TOP3A: variants seen among roughly 807,000 people sequenced by gnomAD.
TOP3A encodes the protein DNA topoisomerase III alpha.
A neutral mutation model predicts 111.3 loss-of-function variants in TOP3A; 64 were observed. The ratio of observed to expected loss-of-function variants is 0.57; its 90% CI spans 0.47 to 0.71. The LOEUF (loss-of-function observed/expected upper bound fraction) is 0.71, where lower values mean the gene tolerates loss of function less well. TOP3A is among the 30% of genes least tolerant of loss of function. The probability of loss-of-function intolerance (pLI) is 0.00; values close to 1 mark genes in which losing one functional copy is unlikely to be tolerated. For synonymous variants in TOP3A, 484 were observed against 485.1 expected, an observed-to-expected ratio of 1.00 and a Z score of 0.03; for missense variants, 1,104 against 1,285.0, an observed-to-expected ratio of 0.86 and a Z score of 2.15.
At chr17:18,310,099 C>T (rs1420211996) in intron 1 of TOP3A, among the ~76,000 whole-genome samples, 1 of 152,100 alleles carries the variant, frequency 6.6e-6, no homozygotes, top group African/African-American at 2.4e-5. Context: ...GAAATATGAT[C>T]TATCCATATG....
In TOP3A at chr17:18,273,564, C is replaced by T. The variant is rs1267020695; in HGVS notation, c.*1238G>A. Among the ~76,000 whole-genome samples the T allele has an allele frequency of 6.6e-6, 1 of 152,160 alleles. No individual in the cohort carries two copies. The highest frequency in any genetic ancestry group is 1.5e-5 in the Non-Finnish European group (1 of 68,028). On this transcript the variant is annotated 3_prime_UTR_variant, in exon 19 of 19. Transcript: ENST00000321105. ...TTCCAGCACTGGCTGGTACCTGTTGCTTCTGCAAATGTTCCCCAGACCCTC... is the reference window on the plus strand; with the variant it reads ...TTCCAGCACTGGCTGGTACCTGTTGTTTCTGCAAATGTTCCCCAGACCCTC...
At chr17:18,302,104 G>A (rs1395776423) in intron 7 of TOP3A, 119 bp from the exon 8 acceptor site, 20 of 1,354,994 alleles carry the variant, frequency 1.5e-5, no homozygotes, top group East Asian at 9.8e-5. Flanking sequence ...AGGAGTTTCT[G>A]GATAACAAAG....
rs765480022 is a variant in TOP3A at position 18,285,159 on chromosome 17, C to T, written c.1860G>A (p.Ala620=). 7 of 1,613,932 alleles carry T rather than the reference C, an allele frequency of 4.3e-6. No homozygotes were observed. Among genetic ancestry groups the T allele is most frequent in the East Asian group, 2.2e-5 (1 of 44,900 alleles). Residue 620 remains alanine, a synonymous_variant, in exon 15 of 19, where the codon GCG becomes GCA. Coordinates refer to ENST00000321105, the MANE Select transcript of TOP3A (RefSeq NM_004618.5). ...GGACTTACTTCTTTGCTTTAGCCAC[C>T]GCTTCAATGAAAACCTGCTTGTATT... ...VQKYKQVFIE[A]VAKAKKLDEA...
chr17:18,297,821 T>C (rs1231274123), intron 9 of TOP3A, among the ~76,000 whole-genome samples: 3 of 152,076 alleles, frequency 2.0e-5, no homozygotes, highest in East Asian at 1.9e-4. Context: ...AGTGCCGAGA[T>C]TGCAGCCTCT....
chr17:18,300,162 C>T (rs1352219762), intron 8 of TOP3A, among the ~76,000 whole-genome samples: 2 of 116,482 alleles, frequency 1.7e-5, no homozygotes, highest in Non-Finnish European at 3.5e-5. Context: ...CTTTGGGAGG[C>T]CGAGGCGGGC....
rs1323464436 is a variant in TOP3A at position 18,272,665 on chromosome 17, G to T, written c.*2137C>A. On this transcript the variant is annotated 3_prime_UTR_variant, in exon 19 of 19. Transcript: ENST00000321105. ...GCCAAGTCAAAGAAACCAGACACAG[G>T]ATGTCATGTATGGTAGGATTTCATT... Among the ~76,000 whole-genome samples, 2 of 151,742 alleles carry T rather than the reference G, an allele frequency of 1.3e-5. No individual in the cohort carries two copies. Among genetic ancestry groups the T allele is most frequent in the East Asian group, 3.9e-4 (2 of 5,164 alleles).
chr17:18,311,080 A>C (rs1981881593), intron 1 of TOP3A, among the ~76,000 whole-genome samples: 1 of 150,742 alleles, frequency 6.6e-6, no homozygotes, highest in South Asian at 2.1e-4. Context: ...GGCTCACTGC[A>C]AGCTCCACCT....
rs754300515 is a variant in TOP3A at position 18,299,567 on chromosome 17, C to A, written c.982G>T (p.Asp328Tyr). ...PKSKWRPQAL[D>Y]TVELEKLASR... ...GCCTGTCTGGAACATACCACAGTGT[C>A]CAAGGCTTGAGGCCGCCACTTGCTC... Residue 328 changes from aspartate to tyrosine, a missense_variant, in exon 9 of 19, where the codon GAC (aspartate) becomes TAC (tyrosine). Physicochemically the swap from Asp to Tyr is radical, Grantham distance 160. Transcript: ENST00000321105. The A allele has an allele frequency of 1.2e-6, 2 of 1,614,050 alleles. No homozygotes were observed. Among genetic ancestry groups the A allele is most frequent in the South Asian group, 2.2e-5 (2 of 91,082 alleles).
At chr17:18,311,489 T>C (rs1981909902) in intron 1 of TOP3A, among the ~76,000 whole-genome samples, 1 of 152,184 alleles carries the variant, frequency 6.6e-6, no homozygotes, top group African/African-American at 2.4e-5. Flanking sequence ...AGATGGGGTT[T>C]TGCCATGTTG....
At chr17:18,295,588 A>G (rs1017492528) in intron 9 of TOP3A, among the ~76,000 whole-genome samples, 4 of 151,032 alleles carry the variant, frequency 2.6e-5, no homozygotes, top group African/African-American at 9.8e-5. Flanking sequence ...CAGCCTCCTG[A>G]GTAGCTGGGA....
intron 13 of TOP3A, 100 bp from the exon 14 acceptor site, chr17:18,285,620 G>A: frequency 1.1e-6 from 1 of 943,126 alleles, no homozygotes; most frequent in Non-Finnish European, 1.6e-6. Flanking sequence ...TCCTTTGCCT[G>A]GACAGCCTAT....
chr17:18,277,267 A>G (rs1597952773), intron 18 of TOP3A, among the ~76,000 whole-genome samples: 1 of 151,570 alleles, frequency 6.6e-6, no homozygotes, highest in African/African-American at 2.4e-5. Flanking sequence ...GCACATGGCC[A>G]TGGGACTGGG....
Position 18,292,705 on chromosome 17 carries a change from C to T in TOP3A, c.1221G>A (p.Gly407=), listed in dbSNP as rs1165926531. 2 of 1,605,680 alleles carry T rather than the reference C, an allele frequency of 1.2e-6. No homozygotes were observed. The highest frequency in any genetic ancestry group is 1.3e-5 in the African/African-American group (1 of 74,676). Residue 407 remains glycine (G), a synonymous_variant, in exon 11 of 19, where the codon GGG becomes GGA. Coordinates refer to ENST00000321105, the MANE Select transcript of TOP3A (RefSeq NM_004618.5). ...GAGGGTGAGCTTGGTCAGACTTGTT[C>T]CCATTGCGTGGGGTGGGACCACCCC... ...LERGGPTPRN[G]NKSDQAHPPI...
At chr17:18,275,453 G>A (rs186077067) in intron 18 of TOP3A, among the ~76,000 whole-genome samples, 20 of 146,164 alleles carry the variant, frequency 1.4e-4, no homozygotes, top group Admixed American at 1.0e-3. Context: ...TCCACCTCCC[G>A]GGTTCACGCC....
In TOP3A at chr17:18,274,775, A is replaced by G; in HGVS notation, c.*27T>C. 1 of 1,598,162 alleles carries G rather than the reference A, an allele frequency of 6.3e-7. No individual in the cohort carries two copies. Among genetic ancestry groups the G allele is most frequent in the Non-Finnish European group, 8.5e-7 (1 of 1,170,370 alleles). On this transcript the variant is annotated 3_prime_UTR_variant, in exon 19 of 19. Transcript: ENST00000321105. ...AACACAAAGGGGACAGGTCTGAGAA[A>G]GTGGCGTTCTCTACCCTACCCTGAG...
chr17:18,305,482 A>ACG (rs1555572049), intron 4 of TOP3A, among the ~76,000 whole-genome samples: 12 of 139,284 alleles, frequency 8.6e-5, no homozygotes, highest in Non-Finnish European at 1.5e-4. Context: ...TCTAACACAC[A>ACG]CACACGCGCG....
chr17:18,279,184 A>C (rs1255082312), intron 17 of TOP3A, among the ~76,000 whole-genome samples: 2 of 152,198 alleles, frequency 1.3e-5, no homozygotes, highest in Admixed American at 1.3e-4. Flanking sequence ...TTTGCTTTTG[A>C]AAATAGGTAT....
intron 2 of TOP3A, 192 bp from the exon 3 acceptor site, chr17:18,308,616 T>C (rs1330115919): frequency 1.9e-6 from 1 of 513,282 alleles, no homozygotes; most frequent in African/African-American, 2.0e-5. Flanking sequence ...TGATATGGTG[T>C]ATAACTGACG....
chr17:18,303,554 C>T (rs1426156642), intron 5 of TOP3A, among the ~76,000 whole-genome samples: 1 of 152,174 alleles, frequency 6.6e-6, no homozygotes, highest in Non-Finnish European at 1.5e-5. Flanking sequence ...CGAGACATCA[C>T]GGCGGCAATA....
Sources: allele counts gnomAD v4.1 joint callset (sites outside exome capture counted in the v4.1 genomes callset), GRCh38; gene constraint gnomAD v4.1.1; transcripts MANE v1.5; gene names NCBI Gene and HGNC (gene_info 2026-07-23, HGNC 2026-07-21).